AEBP2: variants seen among roughly 807,000 people sequenced by gnomAD.
AEBP2 encodes the protein AE binding protein 2.
A neutral mutation model predicts 50.8 loss-of-function variants in AEBP2; 10 were observed. That is an observed-to-expected ratio of 0.20 (90% CI 0.12 to 0.33). AEBP2 has a LOEUF of 0.33. AEBP2 is among the 10% of genes least tolerant of loss of function. AEBP2 has a pLI of 1.00. For synonymous variants in AEBP2, 296 were observed against 261.3 expected (o/e 1.13, Z -1.28); for missense variants, 570 against 688.0 (o/e 0.83, Z 1.92).
In AEBP2 at chr12:19,470,999, C is replaced by T. The variant is rs113288520; in HGVS notation, c.880-2249C>T. Among the ~76,000 whole-genome samples the T allele has an allele frequency of 2.9e-3, 436 of 148,934 alleles. 1 individual carries two copies. The highest frequency in any genetic ancestry group is 1.0e-2 in the African/African-American group (412 of 41,282). ...GTTTTTTTTCAATTAATGGCAAAAACGGCAATGACTTGTGCACCAAACTAA... is the reference window on the plus strand; with the variant it reads ...GTTTTTTTTCAATTAATGGCAAAAATGGCAATGACTTGTGCACCAAACTAA... On this transcript the variant is annotated intron_variant, in intron 2 of 7. Coordinates refer to ENST00000266508, the MANE Select transcript of AEBP2 (RefSeq NM_153207.5).
chr12:19,451,408 C>T (rs1001898781), intron 1 of AEBP2, among the ~76,000 whole-genome samples: 1 of 152,174 alleles, frequency 6.6e-6, no homozygotes, highest in African/African-American at 2.4e-5. Context: ...CTCTCTAGCT[C>T]TGTGTATGTT....
At chr12:19,513,913 G>T (rs1592786727) in intron 6 of AEBP2, among the ~76,000 whole-genome samples, 1 of 139,024 alleles carries the variant, frequency 7.2e-6, no homozygotes. Flanking sequence ...TTTTTTTAAT[G>T]GAGTTTAGTC....
At chr12:19,448,536 C>T (rs1207616719) in intron 1 of AEBP2, among the ~76,000 whole-genome samples, 2 of 152,040 alleles carry the variant, frequency 1.3e-5, no homozygotes. Flanking sequence ...CAGAACTTGC[C>T]TTCTGCACTC....
At position 19,518,437 on chromosome 12, in the gene AEBP2, G is replaced by C; in HGVS notation, c.*320G>C. 2 of 1,231,740 alleles carry C rather than the reference G, an allele frequency of 1.6e-6. No individual in the cohort carries two copies. The highest frequency in any genetic ancestry group is 1.0e-6 in the Non-Finnish European group (1 of 985,318). 76.3% of individuals were successfully genotyped at this position (1,231,740 alleles called of 1,614,324 possible). The stretch of plus-strand genomic sequence containing the variant: ...CTTTGCATGCTTGCTGCTTTAAGCT[G>C]CTTTTTTTTTTCTTTTCTTCCCTTT... On this transcript the variant is annotated 3_prime_UTR_variant, in exon 8 of 8. Transcript: ENST00000266508.
chr12:19,463,086 C>T (rs940827103), intron 2 of AEBP2, among the ~76,000 whole-genome samples: 7 of 152,200 alleles, frequency 4.6e-5, no homozygotes, highest in South Asian at 2.1e-4. Context: ...TTATTCCTGA[C>T]GCTTAAATTA....
At chr12:19,504,833 T>G (rs1949133175) in intron 5 of AEBP2, among the ~76,000 whole-genome samples, 1 of 152,138 alleles carries the variant, frequency 6.6e-6, no homozygotes, top group Non-Finnish European at 1.5e-5. Context: ...TACATTCCAC[T>G]CAAGTTTTAG....
intron 3 of AEBP2, among the ~76,000 whole-genome samples, chr12:19,478,375 A>T (rs1298093781): frequency 6.6e-6 from 1 of 152,076 alleles, no homozygotes; most frequent in African/African-American, 2.4e-5. Context: ...AGCTCACTGC[A>T]ACCTCTGCTT....
At chr12:19,417,014 G>T (rs1294236900) in intron 1 of AEBP2, among the ~76,000 whole-genome samples, 1 of 151,738 alleles carries the variant, frequency 6.6e-6, no homozygotes, top group Non-Finnish European at 1.5e-5. Context: ...TGAGACTACA[G>T]CCATGTGCCA....
intron 3 of AEBP2, among the ~76,000 whole-genome samples, chr12:19,476,446 A>G (rs1301786866): frequency 6.6e-6 from 1 of 152,098 alleles, no homozygotes; most frequent in Non-Finnish European, 1.5e-5. Flanking sequence ...AGTTCAAGCA[A>G]TTCTCCCGCC....
At chr12:19,511,174 T>C (rs888900739) in intron 5 of AEBP2, among the ~76,000 whole-genome samples, 3 of 152,130 alleles carry the variant, frequency 2.0e-5, no homozygotes, top group Non-Finnish European at 4.4e-5. Flanking sequence ...AACTCCAGTT[T>C]TCATATAAAT....
intron 7 of AEBP2, among the ~76,000 whole-genome samples, chr12:19,517,470 T>C (rs1372997193): frequency 6.6e-6 from 1 of 152,162 alleles, no homozygotes; most frequent in Non-Finnish European, 1.5e-5. Context: ...ACCAATATAG[T>C]GTAACAATGA....
In AEBP2 at chr12:19,479,952, T is replaced by G. The variant is rs560476495; in HGVS notation, c.987+6597T>G. Among the ~76,000 whole-genome samples, 4 of 152,184 alleles carry G rather than the reference T, an allele frequency of 2.6e-5. No homozygotes were observed. The South Asian group carries it at 8.3e-4, about 32-fold the overall frequency. On this transcript the variant is annotated intron_variant, in intron 3 of 7. Transcript: ENST00000266508. ...ATTTTCCCATTCCATACCTTTTAAA[T>G]GTAGCATTTAGGCCATTTACATTCG...
intron 1 of AEBP2, among the ~76,000 whole-genome samples, chr12:19,442,112 CT>C (rs1001255429): frequency 3.9e-5 from 6 of 152,100 alleles, no homozygotes; most frequent in Non-Finnish European, 7.4e-5. Context: ...AATAATTCGC[CT>C]TAAATAAGTT....
At chr12:19,512,771 A>G (rs1949254521) in intron 6 of AEBP2, among the ~76,000 whole-genome samples, 1 of 151,878 alleles carries the variant, frequency 6.6e-6, no homozygotes, top group South Asian at 2.1e-4. Context: ...AACGTGGTAA[A>G]ACCCTGTCTC....
chr12:19,453,043 A>T (rs1418148081), intron 1 of AEBP2, among the ~76,000 whole-genome samples: 1 of 139,236 alleles, frequency 7.2e-6, no homozygotes, highest in Non-Finnish European at 1.5e-5. Context: ...ATCTCGGCTC[A>T]TTGCAAGCTC....
Position 19,404,263 on chromosome 12 carries a change from T to C in AEBP2, c.-17+47T>C, listed in dbSNP as rs1592698385. On this transcript the variant is annotated intron_variant, in intron 1 of 3. Coordinates refer to the AEBP2 transcript ENST00000538425. Reference sequence around the variant, plus strand: ...CTCTGTCCCTGCGTGAGTCTGGGAGTGCGTGCAGAGCACTTCCCAGAGCCA... The same window carrying C: ...CTCTGTCCCTGCGTGAGTCTGGGAGCGCGTGCAGAGCACTTCCCAGAGCCA... 2.0e-5 allele frequency: 3 copies of C among 151,964 alleles called. No homozygotes were observed. The South Asian group carries it at 6.2e-4, about 32-fold the overall frequency. The allele number at this position is 151,964 out of a possible 1,614,324, so 9.4% of individuals were successfully genotyped here. A position where few individuals can be genotyped will look rare whatever the true frequency, so the allele number is the denominator to read the frequency against.
chr12:19,489,524 A>G (rs2059294862), intron 3 of AEBP2, among the ~76,000 whole-genome samples: 1 of 152,236 alleles, frequency 6.6e-6, no homozygotes, highest in African/African-American at 2.4e-5. Context: ...GTGTTCAACA[A>G]CCAGCTTTCC....
chr12:19,413,609 C>G (rs2095740615), intron 1 of AEBP2: 1 of 579,030 alleles, frequency 1.7e-6, no homozygotes, highest in African/African-American at 1.9e-5. Flanking sequence ...AAAAGAATGG[C>G]TATTCCATAG....
chr12:19,441,483 C>G (rs560784578), intron 1 of AEBP2, among the ~76,000 whole-genome samples: 1 of 152,080 alleles, frequency 6.6e-6, no homozygotes, highest in Admixed American at 6.6e-5. Context: ...AAAAGTATAG[C>G]AATGGAAATT....
Sources: gnomAD v4.1 joint callset for allele counts (sites outside exome capture counted in the v4.1 genomes callset) on GRCh38, gnomAD v4.1.1 for gene constraint, MANE v1.5 for transcripts, NCBI Gene and HGNC (gene_info 2026-07-23, HGNC 2026-07-21) for gene names.